Variants in SGCD observed in about 807,000 individuals in gnomAD.
The protein encoded by SGCD is delta-sarcoglycan.
In SGCD, 18 loss-of-function variants were observed where a neutral mutation model predicts 36.6. That is an observed-to-expected ratio of 0.49 (90% CI 0.34 to 0.73). The LOEUF is 0.73. SGCD is among the 30% of genes least tolerant of loss of function. The probability of loss-of-function intolerance (pLI) is 0.01; values close to 1 mark genes in which losing one functional copy is unlikely to be tolerated. For synonymous variants in SGCD, 133 were observed against 130.6 expected, an observed-to-expected ratio of 1.02 and a Z score of -0.12; for missense variants, 387 against 346.7, an observed-to-expected ratio of 1.12 and a Z score of -0.92.
the SGCD span, among the ~76,000 whole-genome samples, chr5:155,797,981 C>T: frequency 3.3e-5 from 5 of 152,150 alleles, no homozygotes; most frequent in Admixed American, 1.3e-4. Flanking sequence ...AGTGCTATTT[C>T]GCAAACTCTT....
intron 7 of SGCD, among the ~76,000 whole-genome samples, chr5:156,681,514 G>A (rs1581390491): frequency 6.6e-6 from 1 of 152,194 alleles, no homozygotes; most frequent in Non-Finnish European, 1.5e-5. Flanking sequence ...GGGGTCAGCT[G>A]TTTTTACTTA....
At chr5:156,281,914 A>G (rs1222015181) in intron 3 of SGCD, among the ~76,000 whole-genome samples, 2 of 152,172 alleles carry the variant, frequency 1.3e-5, no homozygotes, top group East Asian at 3.9e-4. Context: ...TCACAAAGCT[A>G]GTGATTTCAG....
At chr5:156,716,214 A>G (rs548208310) in intron 7 of SGCD, among the ~76,000 whole-genome samples, 1 of 152,320 alleles carries the variant, frequency 6.6e-6, no homozygotes, top group South Asian at 2.1e-4. Context: ...GCACTGGTGA[A>G]AGAAGCATTA....
At chr5:156,555,355 C>A (rs1317160761) in intron 4 of SGCD, among the ~76,000 whole-genome samples, 1 of 151,958 alleles carries the variant, frequency 6.6e-6, no homozygotes, top group Admixed American at 6.6e-5. Context: ...AGTTTTAGTT[C>A]TTATGTTTAA....
intron 3 of SGCD, among the ~76,000 whole-genome samples, chr5:156,271,188 A>T (rs1766167597): frequency 1.3e-5 from 2 of 152,170 alleles, no homozygotes; most frequent in African/African-American, 4.8e-5. Context: ...TATTTCCAGG[A>T]TATTTTTGGA....
chr5:155,977,425 TGGCC>T (rs1758139632), intron 1 of SGCD, among the ~76,000 whole-genome samples: 1 of 152,230 alleles, frequency 6.6e-6, no homozygotes, highest in African/African-American at 2.4e-5. Context: ...TCCATAATAC[TGGCC>T]CTAGGTCTTT....
At chr5:156,140,111 T>C (rs1762543793) in intron 3 of SGCD, among the ~76,000 whole-genome samples, 1 of 152,184 alleles carries the variant, frequency 6.6e-6, no homozygotes, top group Non-Finnish European at 1.5e-5. Context: ...TAAATTTCTG[T>C]TTATAAATTA....
At chr5:156,627,096 G>T (rs763491597) in intron 6 of SGCD, among the ~76,000 whole-genome samples, 1 of 152,188 alleles carries the variant, frequency 6.6e-6, no homozygotes. Flanking sequence ...CAATTGCCCT[G>T]TGGGAGAATG....
intron 1 of SGCD, among the ~76,000 whole-genome samples, chr5:156,116,045 C>T (rs1761897535): frequency 6.6e-6 from 1 of 152,172 alleles, no homozygotes; most frequent in East Asian, 1.9e-4. Context: ...GGCTACAAAA[C>T]TTTGATCTTA....
chr5:156,387,039 G>A (rs1366098346), intron 3 of SGCD, among the ~76,000 whole-genome samples: 1 of 152,124 alleles, frequency 6.6e-6, no homozygotes. Context: ...TTCTGAAATC[G>A]TACTGCACTG....
chr5:155,794,626 C>A, the SGCD span, among the ~76,000 whole-genome samples: 1 of 151,968 alleles, frequency 6.6e-6, no homozygotes, highest in South Asian at 2.1e-4. Flanking sequence ...AGAACCTATC[C>A]ACCTGCAGCA....
chr5:156,424,237 G>T (rs866683690), intron 3 of SGCD, among the ~76,000 whole-genome samples: 2 of 152,002 alleles, frequency 1.3e-5, no homozygotes, highest in Admixed American at 6.6e-5. Context: ...AAATAAAATG[G>T]TGTGTATCTG....
At chr5:156,263,290 A>G (rs750445448) in intron 3 of SGCD, among the ~76,000 whole-genome samples, 3 of 152,054 alleles carry the variant, frequency 2.0e-5, no homozygotes, top group African/African-American at 7.2e-5. Flanking sequence ...GACTATGGCC[A>G]TTCTTGCAGG....
chr5:155,735,981 C>G, the SGCD span, among the ~76,000 whole-genome samples: 2 of 152,158 alleles, frequency 1.3e-5, no homozygotes, highest in Non-Finnish European at 1.5e-5. Context: ...TCAGATGATG[C>G]TCCTCTTTCT....
the SGCD span, among the ~76,000 whole-genome samples, chr5:155,788,903 C>T: frequency 6.6e-6 from 1 of 152,056 alleles, no homozygotes; most frequent in Admixed American, 6.6e-5. Flanking sequence ...AAGAGAACAG[C>T]AAAGACATAA....
chr5:156,105,186 T>C (rs1262280210), intron 1 of SGCD, among the ~76,000 whole-genome samples: 1 of 152,194 alleles, frequency 6.6e-6, no homozygotes, highest in Non-Finnish European at 1.5e-5. Flanking sequence ...CTCTCTTCCT[T>C]TCTTCTTTAA....
chr5:155,984,650 C>T (rs566417044), intron 1 of SGCD, among the ~76,000 whole-genome samples: 1 of 152,272 alleles, frequency 6.6e-6, no homozygotes, highest in African/African-American at 2.4e-5. Flanking sequence ...TTTTCTTTTG[C>T]TTTAAGGTCT....
At position 156,397,431 on chromosome 5, in the gene SGCD, C is replaced by A. The variant is rs4441865; in HGVS notation, c.192+52754C>A. Among the ~76,000 whole-genome samples, 1,134 of 152,278 alleles carry A rather than the reference C, an allele frequency of 7.4e-3. 6 individuals carry two copies. Among genetic ancestry groups the A allele is most frequent in the South Asian group, 0.018 (88 of 4,826 alleles). ...ACAACAATCCCCAAATTGGATTTGACCCACAGGCTCTGGCTATACTTTTTC... is the reference window on the plus strand; with the variant it reads ...ACAACAATCCCCAAATTGGATTTGAACCACAGGCTCTGGCTATACTTTTTC... On this transcript the variant is annotated intron_variant, in intron 3 of 8. Coordinates refer to ENST00000337851, the MANE Select transcript of SGCD (RefSeq NM_000337.6).
At chr5:155,867,007 A>G (rs1156947915), upstream of SGCD, among the ~76,000 whole-genome samples, 1 of 152,204 alleles carries the variant, frequency 6.6e-6, no homozygotes, top group Non-Finnish European at 1.5e-5. Context: ...ATAAATAAAG[A>G]AAAGACTCAG....
Sources: allele counts gnomAD v4.1 joint callset (sites outside exome capture counted in the v4.1 genomes callset), GRCh38; gene constraint gnomAD v4.1.1; transcripts MANE v1.5; gene names NCBI Gene and HGNC (gene_info 2026-07-23, HGNC 2026-07-21).